The following EXOC6B variants were observed in gnomAD, a reference collection of about 807,000 sequenced individuals.
EXOC6B encodes exocyst complex component 6B.
In EXOC6B, 54 loss-of-function variants were observed where a neutral mutation model predicts 113.5. That is an observed-to-expected ratio of 0.48 (90% CI 0.38 to 0.60). EXOC6B has a LOEUF of 0.60. Among genes scored for constraint, EXOC6B ranks in the 20% least tolerant of loss-of-function variants. EXOC6B has a pLI of 0.00. For missense variants in EXOC6B, 797 were observed against 977.5 expected (o/e 0.82, Z 2.46); for synonymous variants, 357 against 339.0 (o/e 1.05, Z -0.58).
chr2:72,587,868 G>T (rs1705692092), intron 6 of EXOC6B, among the ~76,000 whole-genome samples: 1 of 151,486 alleles, frequency 6.6e-6, no homozygotes, highest in Admixed American at 6.6e-5. Context: ...TTTTTAATGG[G>T]CAAAATAGTT....
intron 20 of EXOC6B, among the ~76,000 whole-genome samples, chr2:72,276,197 A>G (rs556862094): frequency 1.1e-4 from 16 of 152,122 alleles, no homozygotes; most frequent in Non-Finnish European, 2.2e-4. Context: ...AGACTCTTAC[A>G]GGAGTTTCTA....
chr2:72,804,165 C>T (rs1223413842), intron 1 of EXOC6B, among the ~76,000 whole-genome samples: 1 of 152,214 alleles, frequency 6.6e-6, no homozygotes, highest in Non-Finnish European at 1.5e-5. Context: ...AATGATACTG[C>T]TTTCACTAGT....
chr2:72,422,393 T>C (rs1694940614), intron 18 of EXOC6B, among the ~76,000 whole-genome samples: 1 of 152,126 alleles, frequency 6.6e-6, no homozygotes, highest in South Asian at 2.1e-4. Flanking sequence ...AGTGCACCAA[T>C]TGACACTCTG....
intron 20 of EXOC6B, among the ~76,000 whole-genome samples, chr2:72,270,501 C>T (rs1684415201): frequency 6.6e-6 from 1 of 152,130 alleles, no homozygotes; most frequent in African/African-American, 2.4e-5. Context: ...ACATATTTAA[C>T]CACTAACTTT....
At chr2:72,317,999 C>T (rs1174758777) in intron 20 of EXOC6B, among the ~76,000 whole-genome samples, 1 of 152,104 alleles carries the variant, frequency 6.6e-6, no homozygotes, top group Non-Finnish European at 1.5e-5. Flanking sequence ...GAGCATATTT[C>T]TTTTTTAACA....
At chr2:72,292,012 CT>C (rs1235874245) in intron 20 of EXOC6B, among the ~76,000 whole-genome samples, 1 of 152,180 alleles carries the variant, frequency 6.6e-6, no homozygotes, top group African/African-American at 2.4e-5. Flanking sequence ...CACCAGTTTT[CT>C]CCATTCTTAC....
intron 3 of EXOC6B, among the ~76,000 whole-genome samples, chr2:72,732,219 C>T (rs1680684565): frequency 6.6e-6 from 1 of 151,778 alleles, no homozygotes; most frequent in African/African-American, 2.4e-5. Flanking sequence ...CGCAATCATG[C>T]CTCAATGCAA....
chr2:72,549,348 C>A (rs574446241), intron 8 of EXOC6B, among the ~76,000 whole-genome samples: 84 of 151,964 alleles, frequency 5.5e-4, no homozygotes, highest in Middle Eastern at 3.4e-3. Context: ...GGTAGGGAGA[C>A]CAGATAAGGA....
chr2:72,380,779 AT>A (rs1691633718), intron 18 of EXOC6B, among the ~76,000 whole-genome samples: 1 of 152,328 alleles, frequency 6.6e-6, no homozygotes, highest in South Asian at 2.1e-4. Context: ...TTTTGAAAAT[AT>A]GGATTTTAAA....
intron 6 of EXOC6B, among the ~76,000 whole-genome samples, chr2:72,628,125 T>C (rs1672172748): frequency 6.6e-6 from 1 of 152,034 alleles, no homozygotes; most frequent in African/African-American, 2.4e-5. Context: ...TAGAAAATTA[T>C]TATTGTTATT....
intron 6 of EXOC6B, among the ~76,000 whole-genome samples, chr2:72,611,633 G>C (rs1041181659): frequency 6.6e-6 from 1 of 152,054 alleles, no homozygotes; most frequent in Non-Finnish European, 1.5e-5. Flanking sequence ...GGAGGATATA[G>C]GAACACTTCA....
At chr2:72,620,333 A>G (rs888111132) in intron 6 of EXOC6B, among the ~76,000 whole-genome samples, 2 of 152,180 alleles carry the variant, frequency 1.3e-5, no homozygotes, top group African/African-American at 4.8e-5. Flanking sequence ...AATGGCTAAT[A>G]GATGCTGGGC....
intron 20 of EXOC6B, among the ~76,000 whole-genome samples, chr2:72,311,701 G>A (rs1687195080): frequency 6.6e-6 from 1 of 152,062 alleles, no homozygotes; most frequent in Non-Finnish European, 1.5e-5. Context: ...TGTGGGGAGG[G>A]AGGATATTAT....
At chr2:72,416,026 T>C (rs1211444177) in intron 18 of EXOC6B, among the ~76,000 whole-genome samples, 2 of 152,194 alleles carry the variant, frequency 1.3e-5, no homozygotes, top group Non-Finnish European at 2.9e-5. Context: ...GGTTTATTTC[T>C]TGCTAATGTT....
chr2:72,375,092 T>C (rs1375281922), intron 19 of EXOC6B, among the ~76,000 whole-genome samples: 4 of 152,018 alleles, frequency 2.6e-5, no homozygotes, highest in Non-Finnish European at 5.9e-5. Flanking sequence ...GGTCATTTCA[T>C]CATAATAATA....
At chr2:72,439,269 AATGCTGCCCTGTCT>A in intron 18 of EXOC6B, among the ~76,000 whole-genome samples, 1 of 152,318 alleles carries the variant, frequency 6.6e-6, no homozygotes, top group South Asian at 2.1e-4. Context: ...ACTGAATTTG[AATGCTGCCCTGTCT>A]ATCGAGGTGG....
chr2:72,389,131 C>T (rs1692221917), intron 18 of EXOC6B, among the ~76,000 whole-genome samples: 1 of 151,942 alleles, frequency 6.6e-6, no homozygotes, highest in African/African-American at 2.4e-5. Context: ...TGCTCTGTTT[C>T]CTTTTTCCTA....
chr2:72,818,001 T>C (rs1015663149), intron 1 of EXOC6B, among the ~76,000 whole-genome samples: 4 of 152,168 alleles, frequency 2.6e-5, no homozygotes, highest in Admixed American at 6.5e-5. Flanking sequence ...AGACAGAGTC[T>C]CGCTCTGTCG....
intron 5 of EXOC6B, among the ~76,000 whole-genome samples, chr2:72,724,895 G>C (rs986373606): frequency 2.0e-5 from 3 of 152,148 alleles, no homozygotes; most frequent in Admixed American, 1.3e-4. Context: ...GGCTGAGGGG[G>C]TGGGGAGAAA....
Sources: allele counts gnomAD v4.1 joint callset (sites outside exome capture counted in the v4.1 genomes callset), GRCh38; gene constraint gnomAD v4.1.1; transcripts MANE v1.5; gene names NCBI Gene and HGNC (gene_info 2026-07-23, HGNC 2026-07-21).